HPCAL1: variants seen among roughly 807,000 people sequenced by gnomAD.
HPCAL1 encodes the protein hippocalcin-like protein 1.
Under a neutral mutation model 17.1 loss-of-function variants are expected in HPCAL1, and 8 were observed. The ratio of observed to expected loss-of-function variants is 0.47; its 90% CI spans 0.27 to 0.84. The LOEUF (loss-of-function observed/expected upper bound fraction) is 0.84. HPCAL1 is among the 40% of genes least tolerant of loss of function. The probability of loss-of-function intolerance (pLI) is 0.13; values close to 1 mark genes in which losing one functional copy is unlikely to be tolerated. For missense variants in HPCAL1, 165 were observed against 271.1 expected, an observed-to-expected ratio of 0.61 and a Z score of 2.75; for synonymous variants, 112 against 111.4, an observed-to-expected ratio of 1.01 and a Z score of -0.03.
In HPCAL1 at chr2:10,395,998, G is replaced by T. The variant is rs1008846229; in HGVS notation, c.-110-837G>T. ...GTCACCAATCCATGCCCGGGGAGCA[G>T]GCAGAGAAGAGGGAGGCGGGCCCGT... is the stretch of plus-strand genomic sequence containing the variant. On this transcript the variant is annotated intron_variant, in intron 1 of 4. Coordinates refer to ENST00000307845, the MANE Select transcript of HPCAL1 (RefSeq NM_002149.4). The surrounding 1 kb of genome is among the most constrained non-coding windows in gnomAD (Gnocchi z 4.4). 1.3e-5 allele frequency among the ~76,000 whole-genome samples: 2 copies of T among 152,222 alleles called. No homozygotes were observed. The highest frequency in any genetic ancestry group is 1.5e-5 in the Non-Finnish European group (1 of 68,034).
chr2:10,384,874 C>T lies in HPCAL1; in HGVS notation c.-110-11961C>T, dbSNP rs764279772. ...CGGTGGCTCATGCCTGTAATCCCAA[C>T]GCTTTGGGAGGCCGAGGTGGGTGGA... On this transcript the variant is annotated intron_variant, in intron 1 of 4. Transcript: ENST00000307845. This position sits in a 1 kb window ranked among gnomAD's most constrained non-coding sequence, Gnocchi z 4.4. Among the ~76,000 whole-genome samples the T allele has an allele frequency of 1.3e-5, 2 of 152,124 alleles. No individual in the cohort carries two copies. Among genetic ancestry groups the T allele is most frequent in the African/African-American group, 2.4e-5 (1 of 41,416 alleles).
chr2:10,353,390 A>G (rs1200781340), intron 1 of HPCAL1, among the ~76,000 whole-genome samples: 2 of 152,180 alleles, frequency 1.3e-5, no homozygotes, highest in Non-Finnish European at 2.9e-5. Context: ...CCCCAGTGCC[A>G]TCCTTCTCTT....
intron 2 of HPCAL1, among the ~76,000 whole-genome samples, chr2:10,407,699 G>A (rs1670056596): frequency 6.6e-6 from 1 of 152,210 alleles, no homozygotes; most frequent in Non-Finnish European, 1.5e-5. Context: ...TGAACTTGGA[G>A]GGAGTGAGCC....
intron 1 of HPCAL1, among the ~76,000 whole-genome samples, chr2:10,357,933 G>A (rs528641109): frequency 6.6e-6 from 1 of 152,232 alleles, no homozygotes; most frequent in Admixed American, 6.5e-5. Context: ...CTTTTACCCA[G>A]GGATCCCCTG....
In HPCAL1 at chr2:10,409,686, C is replaced by T. The variant is rs148109278; in HGVS notation, c.-24-10048C>T. Among the ~76,000 whole-genome samples, 523 of 148,874 alleles carry T rather than the reference C, an allele frequency of 3.5e-3. 5 individuals carry two copies. The highest frequency in any genetic ancestry group is 0.021 in the Middle Eastern group (6 of 292). ...CCTTCCTGTTCCACCCCAGGAAGAA[C>T]AAGCTCTCATCTCAAATGGCCTGAG... On this transcript the variant is annotated intron_variant, in intron 2 of 4. Coordinates refer to ENST00000307845, the MANE Select transcript of HPCAL1 (RefSeq NM_002149.4).
At position 10,354,368 on chromosome 2, in the gene HPCAL1, A is replaced by G. The variant is rs905847328; in HGVS notation, c.-110-42467A>G. 1.3e-5 allele frequency: 2 copies of G among 152,218 alleles called. No individual in the cohort carries two copies. The highest frequency in any genetic ancestry group is 2.9e-5 in the Non-Finnish European group (2 of 68,042). The allele number at this position is 152,218 out of a possible 1,614,324, so 9.4% of individuals were successfully genotyped here. On this transcript the variant is annotated intron_variant, in intron 1 of 4. Coordinates refer to ENST00000307845, the MANE Select transcript of HPCAL1 (RefSeq NM_002149.4). This position sits in a 1 kb window ranked among gnomAD's most constrained non-coding sequence, Gnocchi z 5.1. ...TTCTGGAAGCTTCCCAGGGCCTGCT[A>G]TCTTCCCTGTACTGTAAGGGGACAC...
chr2:10,367,938 G>C lies in HPCAL1; in HGVS notation c.-110-28897G>C, dbSNP rs1384335597. 2.6e-5 allele frequency among the ~76,000 whole-genome samples: 4 copies of C among 152,066 alleles called. No individual in the cohort carries two copies. The highest frequency in any genetic ancestry group is 5.9e-5 in the Non-Finnish European group (4 of 67,986). On this transcript the variant is annotated intron_variant, in intron 1 of 4. Transcript: ENST00000307845. This position sits in a 1 kb window ranked among gnomAD's most constrained non-coding sequence, Gnocchi z 4.4. ...CGTGTGTGCCCATATGCGTGTGTAG[G>C]TGTGTGCATATGTGTATATAGGTGT...
At position 10,331,327 on chromosome 2, in the gene HPCAL1, C is replaced by T. The variant is rs190927248; in HGVS notation, c.-111+28150C>T. Among the ~76,000 whole-genome samples, 96 of 152,316 alleles carry T rather than the reference C, an allele frequency of 6.3e-4. No individual in the cohort carries two copies. Among genetic ancestry groups the T allele is most frequent in the Non-Finnish European group, 1.0e-4 (7 of 68,024 alleles). On this transcript the variant is annotated intron_variant, in intron 1 of 4. Transcript: ENST00000307845. This position sits in a 1 kb window ranked among gnomAD's most constrained non-coding sequence, Gnocchi z 5.0. Reference sequence around the variant, plus strand: ...CTGTCACCCGAGCGCCCTCTCCTTCCTCACCTCGCCACCTACGCATCGTCA... The same window carrying T: ...CTGTCACCCGAGCGCCCTCTCCTTCTTCACCTCGCCACCTACGCATCGTCA...
chr2:10,318,330 C>G (rs574949505), intron 1 of HPCAL1, among the ~76,000 whole-genome samples: 1 of 151,104 alleles, frequency 6.6e-6, no homozygotes, highest in South Asian at 2.1e-4. Flanking sequence ...AACCCCAGCT[C>G]GCACCTGCAG....
At chr2:10,398,958 G>T (rs1395212500) in intron 2 of HPCAL1, among the ~76,000 whole-genome samples, 1 of 152,068 alleles carries the variant, frequency 6.6e-6, no homozygotes, top group Non-Finnish European at 1.5e-5. Flanking sequence ...GAGCTAGAGA[G>T]TGGGGGAACA....
chr2:10,386,000 C>T lies in HPCAL1; in HGVS notation c.-110-10835C>T, dbSNP rs115085349. 2.6e-3 allele frequency among the ~76,000 whole-genome samples: 391 copies of T among 152,276 alleles called. 1 individual carries two copies. The highest frequency in any genetic ancestry group is 9.0e-3 in the African/African-American group (372 of 41,546). ...CATGTGCTGGCCTTGGGTTTTACGG[C>T]TGTCTGGCAATTAGAATATTAATGT... On this transcript the variant is annotated intron_variant, in intron 1 of 4. Coordinates refer to ENST00000307845, the MANE Select transcript of HPCAL1 (RefSeq NM_002149.4).
chr2:10,381,604 A>T (rs1667944921), intron 1 of HPCAL1, among the ~76,000 whole-genome samples: 3 of 136,008 alleles, frequency 2.2e-5, no homozygotes, highest in Non-Finnish European at 4.6e-5. Flanking sequence ...CCAGAGCATC[A>T]TGTCATTTGG....
At chr2:10,306,157 A>C (rs912247093) in intron 1 of HPCAL1, among the ~76,000 whole-genome samples, 3 of 152,240 alleles carry the variant, frequency 2.0e-5, no homozygotes, top group Non-Finnish European at 4.4e-5. Context: ...GCTACTTGGC[A>C]GCTGAATTTT....
At chr2:10,366,144 A>T (rs967015365) in intron 1 of HPCAL1, among the ~76,000 whole-genome samples, 1 of 152,220 alleles carries the variant, frequency 6.6e-6, no homozygotes, top group African/African-American at 2.4e-5. Flanking sequence ...CTGGCCTCTC[A>T]GCACAGCACC....
chr2:10,337,293 G>A (rs893520378), intron 1 of HPCAL1, among the ~76,000 whole-genome samples: 7 of 152,066 alleles, frequency 4.6e-5, no homozygotes, highest in African/African-American at 1.7e-4. Flanking sequence ...GCCTCCTCAC[G>A]TATTCTTACA....
rs892470418 is a variant in HPCAL1 at position 10,395,542 on chromosome 2, C to T, written c.-110-1293C>T. Among the ~76,000 whole-genome samples, 1 of 152,196 alleles carries T rather than the reference C, an allele frequency of 6.6e-6. No individual in the cohort carries two copies. The highest frequency in any genetic ancestry group is 2.4e-5 in the African/African-American group (1 of 41,444). ...AGGAGCGAGGGGAGCCCCGCTGGCA[C>T]GCCGCACTGTGCTGAGGCTGGGTGT... is the stretch of plus-strand genomic sequence containing the variant. On this transcript the variant is annotated intron_variant, in intron 1 of 4. Coordinates refer to ENST00000307845, the MANE Select transcript of HPCAL1 (RefSeq NM_002149.4). The surrounding 1 kb of genome is among the most constrained non-coding windows in gnomAD (Gnocchi z 4.4).
In HPCAL1 at chr2:10,419,964, C is replaced by T. The variant is rs140646826; in HGVS notation, c.207C>T (p.Phe69=). 73 of 1,614,018 alleles carry T rather than the reference C, an allele frequency of 4.5e-5. No individual in the cohort carries two copies. Among genetic ancestry groups the T allele is most frequent in the Middle Eastern group, 3.3e-4 (2 of 6,062 alleles). ...CTTCCAAGTTCGCCGAGCACGTCTT[C>T]CGCACCTTCGACACCAACGGCGACG... ...GDASKFAEHV[F]RTFDTNGDGT... Residue 69 remains phenylalanine, a synonymous_variant, in exon 3 of 5, where the codon TTC becomes TTT. Coordinates refer to ENST00000307845, the MANE Select transcript of HPCAL1 (RefSeq NM_002149.4). The surrounding 1 kb of genome is among the most constrained non-coding windows in gnomAD (Gnocchi z 5.0).
At chr2:10,387,174 G>A (rs552158716) in intron 1 of HPCAL1, among the ~76,000 whole-genome samples, 1 of 152,364 alleles carries the variant, frequency 6.6e-6, no homozygotes, top group South Asian at 2.1e-4. Context: ...ACCCGTAAGT[G>A]CCACATTCAG....
At chr2:10,423,571 A>G (rs368469684) in intron 4 of HPCAL1, 2 of 166,028 alleles carry the variant, frequency 1.2e-5, no homozygotes, top group African/African-American at 4.8e-5. Context: ...TTGTCCACCT[A>G]CAGCAGCTCT....
Sources: gnomAD v4.1 joint callset for allele counts (sites outside exome capture counted in the v4.1 genomes callset) on GRCh38, gnomAD v4.1.1 for gene constraint, Gnocchi (gnomAD v3.1) non-coding constraint, MANE v1.5 for transcripts, NCBI Gene and HGNC (gene_info 2026-07-23, HGNC 2026-07-21) for gene names.